Variants in MARCHF1 observed in about 807,000 individuals in gnomAD.
MARCHF1 encodes the protein membrane associated ring-CH-type finger 1.
MARCHF1 carries 40 observed loss-of-function variants against 54.2 expected under a neutral mutation model. The ratio of observed to expected loss-of-function variants is 0.74; its 90% CI spans 0.57 to 0.96. MARCHF1 has a LOEUF of 0.96. Ranked by LOEUF, MARCHF1 falls within the 40% of genes least tolerant of loss-of-function variation. The pLI is 0.00. For synonymous variants in MARCHF1, 236 were observed against 236.3 expected, an observed-to-expected ratio of 1.00 and a Z score of 0.01; for missense variants, 586 against 656.5, an observed-to-expected ratio of 0.89 and a Z score of 1.17.
rs1236261113 is a variant in MARCHF1, at chr4:163,612,967, G to A, written c.314C>T (p.Ala105Val). The A allele has an allele frequency of 6.5e-7, 1 of 1,533,220 alleles. No individual in the cohort carries two copies. The highest frequency in any genetic ancestry group is 1.2e-5 in the South Asian group (1 of 83,700). 95.0% of individuals were successfully genotyped at this position (1,533,220 alleles called of 1,614,324 possible). A position where few individuals can be genotyped will look rare whatever the true frequency, so the allele number is the denominator to read the frequency against. ...YCTPVMVLSP[A>V]RKESGKKSVI... ...TGATTTCTTACCAGACTCCTTCCTA[G>A]CAGGGCTCAGCACCATGACAGGGGT... Residue 105 changes from alanine (A) to valine (V), a missense_variant, in exon 7 of 10, where the codon GCT becomes GTT. Around this residue, in one of 3 missense-constraint regions of MARCHF1, gnomAD observed 387 missense variants for 394.6 expected, o/e 0.98. Coordinates refer to ENST00000514618, the MANE Select transcript of MARCHF1 (RefSeq NM_001394959.1).
At chr4:163,695,761 G>C (rs981035144) in intron 5 of MARCHF1, among the ~76,000 whole-genome samples, 1 of 152,102 alleles carries the variant, frequency 6.6e-6, no homozygotes, top group Non-Finnish European at 1.5e-5. Context: ...GTTGGCTTTT[G>C]AAAGGTTTTT....
intron 1 of MARCHF1, among the ~76,000 whole-genome samples, chr4:164,265,008 T>C (rs1733571102): frequency 2.0e-5 from 3 of 152,226 alleles, no homozygotes; most frequent in African/African-American, 7.2e-5. Context: ...CTAATTATGA[T>C]TTCTTTGTAT....
At chr4:164,311,500 A>G (rs1734849203) in intron 1 of MARCHF1, among the ~76,000 whole-genome samples, 2 of 152,194 alleles carry the variant, frequency 1.3e-5, no homozygotes, top group South Asian at 4.1e-4. Context: ...CTTTCCAATG[A>G]CCATCTGTCC....
intron 2 of MARCHF1, among the ~76,000 whole-genome samples, chr4:164,064,770 T>C (rs1754691984): frequency 6.6e-6 from 1 of 152,208 alleles, no homozygotes; most frequent in African/African-American, 2.4e-5. Context: ...TTCAGTATGA[T>C]GTTGACTGTG....
Position 163,779,137 on chromosome 4 carries a change from A to G in MARCHF1, c.111+74884T>C, listed in dbSNP as rs963439565. Among the ~76,000 whole-genome samples the G allele has an allele frequency of 5.3e-5, 8 of 152,210 alleles. No homozygotes were observed. The East Asian group carries it at 1.5e-3, about 29-fold the overall frequency. On this transcript the variant is annotated intron_variant, in intron 4 of 9. Coordinates refer to ENST00000514618, the MANE Select transcript of MARCHF1 (RefSeq NM_001394959.1). ...AGAATATGAAATATGCTACATGGAGAGAAATGAACTCAACTATGCTGGTGC... is the reference window on the plus strand; with the variant it reads ...AGAATATGAAATATGCTACATGGAGGGAAATGAACTCAACTATGCTGGTGC...
intron 1 of MARCHF1, among the ~76,000 whole-genome samples, chr4:164,136,272 G>GAA (rs5863663): frequency 0.018 from 2,212 of 121,330 alleles, 57 homozygotes; most frequent in East Asian, 0.088. Flanking sequence ...AGTTGAAGTG[G>GAA]AAAAAAAAAA....
intron 2 of MARCHF1, among the ~76,000 whole-genome samples, chr4:163,994,770 CA>C (rs1753039288): frequency 1.1e-5 from 1 of 95,142 alleles, no homozygotes; most frequent in East Asian, 3.4e-4. Context: ...CACACACACA[CA>C]CACACACACA....
chr4:163,748,329 A>T (rs186750489), intron 4 of MARCHF1, among the ~76,000 whole-genome samples: 14 of 151,748 alleles, frequency 9.2e-5, no homozygotes, highest in Admixed American at 8.5e-4. Context: ...CAAGAGAATG[A>T]GGTAAAGGCT....
At chr4:163,601,401 C>CT (rs35012983) in intron 7 of MARCHF1, among the ~76,000 whole-genome samples, 4,568 of 149,590 alleles carry the variant, frequency 0.031, 192 homozygotes, top group African/African-American at 0.1. Flanking sequence ...GAAAGTGTTG[C>CT]TTTTTTTTTT....
intron 3 of MARCHF1, among the ~76,000 whole-genome samples, chr4:163,921,920 A>G (rs939591357): frequency 6.6e-6 from 1 of 152,136 alleles, no homozygotes; most frequent in Non-Finnish European, 1.5e-5. Flanking sequence ...ACATGCACAC[A>G]TATGTTTATT....
intron 4 of MARCHF1, among the ~76,000 whole-genome samples, chr4:163,840,497 T>C (rs1470614369): frequency 6.6e-6 from 1 of 152,102 alleles, no homozygotes; most frequent in Admixed American, 6.6e-5. Context: ...ACTCAGGTAG[T>C]GAGCATAGTA....
chr4:164,186,153 A>C (rs1730965323), intron 1 of MARCHF1, among the ~76,000 whole-genome samples: 1 of 152,176 alleles, frequency 6.6e-6, no homozygotes, highest in Non-Finnish European at 1.5e-5. Context: ...TCAGCCTCCC[A>C]AAGTGCTGGA....
intron 4 of MARCHF1, among the ~76,000 whole-genome samples, chr4:163,782,341 T>C (rs552548895): frequency 2.0e-4 from 30 of 152,154 alleles, no homozygotes; most frequent in Non-Finnish European, 3.7e-4. Flanking sequence ...AATATGGCAA[T>C]AGGCAATATA....
At chr4:163,872,913 G>A (rs553265536) in intron 3 of MARCHF1, among the ~76,000 whole-genome samples, 1,742 of 152,030 alleles carry the variant, frequency 0.011, 17 homozygotes, top group South Asian at 0.037. Context: ...GCGTGGTGGC[G>A]GGCGCCTGTA....
chr4:163,608,684 A>G (rs1741222526), intron 7 of MARCHF1, among the ~76,000 whole-genome samples: 1 of 152,058 alleles, frequency 6.6e-6, no homozygotes, highest in Non-Finnish European at 1.5e-5. Context: ...ACTTTCTCTG[A>G]AAAAGGCTGT....
intron 5 of MARCHF1, among the ~76,000 whole-genome samples, chr4:163,660,105 T>C (rs1743292400): frequency 6.6e-6 from 1 of 152,044 alleles, no homozygotes; most frequent in African/African-American, 2.4e-5. Context: ...CATGTACATG[T>C]ACGTTTACTG....
At chr4:164,004,418 A>T (rs1408738031) in intron 2 of MARCHF1, among the ~76,000 whole-genome samples, 1 of 152,138 alleles carries the variant, frequency 6.6e-6, no homozygotes, top group East Asian at 1.9e-4. Flanking sequence ...GTAGAAGTAA[A>T]CTAATCTACA....
At chr4:164,368,632 T>A (rs1439179704) in intron 1 of MARCHF1, among the ~76,000 whole-genome samples, 1 of 152,198 alleles carries the variant, frequency 6.6e-6, no homozygotes, top group Non-Finnish European at 1.5e-5. Context: ...TTCAGCAATA[T>A]GTGCACATAA....
chr4:163,783,420 A>T (rs990143425), intron 4 of MARCHF1, among the ~76,000 whole-genome samples: 1 of 152,178 alleles, frequency 6.6e-6, no homozygotes, highest in Non-Finnish European at 1.5e-5. Flanking sequence ...GGCCGAGTTT[A>T]GGTAGCTTCC....
Sources: gnomAD v4.1 joint callset for allele counts (sites outside exome capture counted in the v4.1 genomes callset) on GRCh38, gnomAD v4.1.1 for gene constraint, gnomAD v4.1.1 regional missense constraint, MANE v1.5 for transcripts, NCBI Gene and HGNC (gene_info 2026-07-23, HGNC 2026-07-21) for gene names.